Variants in STARD10 observed in about 807,000 individuals in gnomAD.
STARD10 encodes StAR related lipid transfer domain containing 10, also known as START domain-containing protein 10.
In STARD10, 24 loss-of-function variants were observed where a neutral mutation model predicts 36.0. The ratio of observed to expected loss-of-function variants is 0.67; its 90% confidence interval spans 0.48 to 0.94. The LOEUF is 0.94. Ranked by LOEUF, STARD10 falls within the 40% of genes least tolerant of loss-of-function variation. The pLI is 0.00. For synonymous variants in STARD10, 156 were observed against 161.9 expected, an observed-to-expected ratio of 0.96 and a Z score of 0.28; for missense variants, 335 against 396.6, an observed-to-expected ratio of 0.84 and a Z score of 1.32.
chr11:72,755,870 G>A, intron 5 of STARD10, 117 bp from the exon 6 acceptor site: 2 of 896,056 alleles, frequency 2.2e-6, no homozygotes, highest in Non-Finnish European at 3.4e-6. Flanking sequence ...CCATGAGGAG[G>A]AGGTGTGTGA....
chr11:72,755,042 A>C lies in STARD10; in HGVS notation c.731T>G (p.Leu244Trp), dbSNP rs1858624039. The change falls in exon 7 of 7, where the codon TTG (leucine) becomes TGG (tryptophan). Residue 244 changes from leucine to tryptophan, a missense_variant. Leu to Trp is a moderately conservative substitution (Grantham distance 61). Transcript: ENST00000334805. ...KPWLHPEQSP[L>W]PSLALSELSV... ...CAGCTCCGACAGCGCCAGGCTCGGCAACGGGCTCTGCTCCGGGTGCAGCCA... is the reference window on the plus strand; with the variant it reads ...CAGCTCCGACAGCGCCAGGCTCGGCCACGGGCTCTGCTCCGGGTGCAGCCA... The C allele has an allele frequency of 6.2e-7, 1 of 1,613,126 alleles. No individual in the cohort carries two copies. Among genetic ancestry groups the C allele is most frequent in the African/African-American group, 1.3e-5 (1 of 74,938 alleles).
intron 1 of STARD10, among the ~76,000 whole-genome samples, chr11:72,790,792 A>G (rs958505046): frequency 6.6e-6 from 1 of 152,192 alleles, no homozygotes; most frequent in South Asian, 2.1e-4. Context: ...CACTCGAGAC[A>G]TTTCTCCCCT....
chr11:72,772,208 A>G (rs529985681), intron 2 of STARD10, among the ~76,000 whole-genome samples: 3 of 132,862 alleles, frequency 2.3e-5, no homozygotes, highest in East Asian at 2.2e-4. Flanking sequence ...CCCTGTGCAC[A>G]GCGCTGCCAT....
intron 2 of STARD10, among the ~76,000 whole-genome samples, chr11:72,775,522 G>A (rs1858919293): frequency 6.6e-6 from 1 of 152,086 alleles, no homozygotes; most frequent in African/African-American, 2.4e-5. Flanking sequence ...CTGCTGCTCT[G>A]TATGGAATGC....
intron 2 of STARD10, among the ~76,000 whole-genome samples, chr11:72,761,694 G>A (rs694038): frequency 0.017 from 2,584 of 151,932 alleles, 73 homozygotes; most frequent in African/African-American, 0.059. Context: ...TCCGTGAGCC[G>A]AGATCATGCT....
intron 1 of STARD10, among the ~76,000 whole-genome samples, chr11:72,790,144 C>T (rs1426109891): frequency 6.6e-6 from 1 of 152,242 alleles, no homozygotes; most frequent in Non-Finnish European, 1.5e-5. Flanking sequence ...TCCCTTACCT[C>T]TCCATCTTCC....
intron 1 of STARD10, among the ~76,000 whole-genome samples, chr11:72,787,556 C>T (rs374240042): frequency 6.6e-6 from 1 of 152,264 alleles, no homozygotes; most frequent in East Asian, 1.9e-4. Flanking sequence ...GATGGCCACA[C>T]CCCGCTCTGC....
rs1172999504 is a variant in STARD10, at chr11:72,787,852, C to T, written c.-114+5023G>A. ...GGGACCACAGCTTCTTTTCTGGCAACCCACACAACTTCCTTCTTTTGGTTT... is the reference window on the plus strand; with the variant it reads ...GGGACCACAGCTTCTTTTCTGGCAATCCACACAACTTCCTTCTTTTGGTTT... On this transcript the variant is annotated intron_variant, in intron 1 of 6. Coordinates refer to ENST00000334805, the MANE Select transcript of STARD10 (RefSeq NM_006645.3). Among the ~76,000 whole-genome samples the T allele has an allele frequency of 2.6e-5, 4 of 152,356 alleles. No homozygotes were observed. In the East Asian group the frequency reaches 5.8e-4, roughly 22 times the overall value.
intron 2 of STARD10, among the ~76,000 whole-genome samples, chr11:72,760,276 G>A (rs1294279482): frequency 1.3e-5 from 2 of 151,912 alleles, no homozygotes; most frequent in East Asian, 3.9e-4. Flanking sequence ...GCCCAGGCTG[G>A]AGTACAGTGG....
rs1026209882 is a variant in STARD10 at position 72,773,852 on chromosome 11, C to T, written c.207+7123G>A. Among the ~76,000 whole-genome samples, 51 of 152,242 alleles carry T rather than the reference C, an allele frequency of 3.3e-4. 1 individual carries two copies. The highest frequency in any genetic ancestry group is 1.5e-5 in the Non-Finnish European group (1 of 68,052). ...CGTCACCCGTTCAGGATGTAAAACC[C>T]ATGACAGCAGGGTCTGATCTGTGTG... On this transcript the variant is annotated intron_variant, in intron 2 of 6. Coordinates refer to ENST00000334805, the MANE Select transcript of STARD10 (RefSeq NM_006645.3).
rs951801328 is a variant in STARD10, at chr11:72,759,460, G to A, written c.208-79C>T. The A allele has an allele frequency of 1.2e-5, 19 of 1,544,108 alleles. No individual in the cohort carries two copies. The African/African-American group carries it at 1.6e-4, about 13-fold the overall frequency. On this transcript the variant is annotated intron_variant, in intron 2 of 6. Transcript: ENST00000334805. ...CAGGGGACCAGAAGGCAGACAGGCA[G>A]AGGGGGAGGAAGAGAAAGAGGACAG...
At chr11:72,768,825 C>A (rs918114223) in intron 2 of STARD10, among the ~76,000 whole-genome samples, 2 of 152,216 alleles carry the variant, frequency 1.3e-5, no homozygotes, top group Non-Finnish European at 2.9e-5. Context: ...ATCCTCCATG[C>A]CTTGCAGGGG....
intron 1 of STARD10, among the ~76,000 whole-genome samples, chr11:72,784,245 G>A (rs1317699413): frequency 6.6e-6 from 1 of 152,202 alleles, no homozygotes; most frequent in African/African-American, 2.4e-5. Context: ...GCCCAGGAGG[G>A]CTGGAGGGGC....
chr11:72,766,790 G>A (rs1858798453), intron 2 of STARD10, among the ~76,000 whole-genome samples: 1 of 152,212 alleles, frequency 6.6e-6, no homozygotes, highest in South Asian at 2.1e-4. Context: ...TCCTGGCCTT[G>A]AGAGCCAAAG....
rs372172792 is a variant in STARD10 at position 72,778,725 on chromosome 11, T to C, written c.207+2250A>G. Among the ~76,000 whole-genome samples, 8 of 152,306 alleles carry C rather than the reference T, an allele frequency of 5.3e-5. No homozygotes were observed. In the East Asian group the frequency reaches 1.5e-3, roughly 29 times the overall value. ...AGACCCAGCTCTGCTGAGACAGCTGTGTGACTCTAGGCAGGTCCCTGCCCC... is the reference window on the plus strand; with the variant it reads ...AGACCCAGCTCTGCTGAGACAGCTGCGTGACTCTAGGCAGGTCCCTGCCCC... On this transcript the variant is annotated intron_variant, in intron 2 of 6. Transcript: ENST00000334805.
At chr11:72,784,360 G>A (rs1210050416) in intron 1 of STARD10, among the ~76,000 whole-genome samples, 1 of 152,154 alleles carries the variant, frequency 6.6e-6, no homozygotes, top group African/African-American at 2.4e-5. Context: ...GTCACCAGAA[G>A]CCGGTGACAG....
chr11:72,790,270 T>C (rs1036499587), intron 1 of STARD10: 1 of 152,290 alleles, frequency 6.6e-6, no homozygotes, highest in Non-Finnish European at 1.5e-5. Context: ...CCCCCTCCCA[T>C]GTGGCTGTGG....
At chr11:72,789,925 A>G (rs1859119891) in intron 1 of STARD10, among the ~76,000 whole-genome samples, 1 of 152,118 alleles carries the variant, frequency 6.6e-6, no homozygotes. Context: ...TTCTAAATTT[A>G]GGGCTTGGGC....
chr11:72,776,899 G>T (rs541354208), intron 2 of STARD10, among the ~76,000 whole-genome samples: 98 of 152,198 alleles, frequency 6.4e-4, no homozygotes, highest in African/African-American at 2.2e-3. Flanking sequence ...GTGAGACAGG[G>T]CTGGGAGGGG....
Sources: allele counts gnomAD v4.1 joint callset (sites outside exome capture counted in the v4.1 genomes callset), GRCh38; gene constraint gnomAD v4.1.1; transcripts MANE v1.5; gene names NCBI Gene and HGNC (gene_info 2026-07-23, HGNC 2026-07-21).